Variants in CCSER1 observed in about 807,000 individuals in gnomAD.
The protein encoded by CCSER1 is serine-rich coiled-coil domain-containing protein 1.
In CCSER1, 41 loss-of-function variants were observed where a neutral mutation model predicts 82.0. The observed-to-expected ratio is 0.50, with a 90% CI of 0.39 to 0.65. The LOEUF (loss-of-function observed/expected upper bound fraction) is 0.65, where lower values mean the gene tolerates loss of function less well. CCSER1 is among the 30% of genes least tolerant of loss of function. CCSER1 has a pLI of 0.00. For synonymous variants in CCSER1, 414 were observed against 383.9 expected, an observed-to-expected ratio of 1.08 and a Z score of -0.92; for missense variants, 1,119 against 1,064.2, an observed-to-expected ratio of 1.05 and a Z score of -0.72.
intron 8 of CCSER1, among the ~76,000 whole-genome samples, chr4:90,841,944 C>T (rs1762623509): frequency 6.6e-6 from 1 of 152,138 alleles, no homozygotes; most frequent in Non-Finnish European, 1.5e-5. Flanking sequence ...CAAATAGGAA[C>T]TTATTGTGTT....
rs563946413 is a variant in CCSER1, at chr4:91,602,019, A to G, written c.*2962A>G. 65 of 152,178 alleles carry G rather than the reference A, an allele frequency of 4.3e-4. No homozygotes were observed. Among genetic ancestry groups the G allele is most frequent in the African/African-American group, 1.5e-3 (61 of 41,572 alleles). 9.4% of individuals were successfully genotyped at this position (152,178 alleles called of 1,614,324 possible). ...TATTTTTGCTTCTTTGGAGCACCAT[A>G]GTCTTTGTTCAAATCACAACATGAA... On this transcript the variant is annotated 3_prime_UTR_variant, in exon 11 of 11. Transcript: ENST00000509176.
At chr4:91,152,205 A>T (rs1730288630) in intron 10 of CCSER1, among the ~76,000 whole-genome samples, 1 of 152,164 alleles carries the variant, frequency 6.6e-6, no homozygotes, top group Admixed American at 6.6e-5. Flanking sequence ...TTCTTGTTGA[A>T]TTGATCCCTT....
At chr4:90,857,417 C>A (rs1287919281) in intron 8 of CCSER1, among the ~76,000 whole-genome samples, 1 of 152,078 alleles carries the variant, frequency 6.6e-6, no homozygotes, top group Non-Finnish European at 1.5e-5. Context: ...TCTAAGGGAG[C>A]ACATGAGACG....
At position 91,590,669 on chromosome 4, in the gene CCSER1, G is replaced by A. The variant is rs11733934; in HGVS notation, c.2218-7903G>A. On this transcript the variant is annotated intron_variant, in intron 10 of 10. Transcript: ENST00000509176. The stretch of plus-strand genomic sequence containing the variant: ...TTACTTTACATCAACACATTGTGTC[G>A]TGATATATCAAAAGGAGCATTTACT... Among the ~76,000 whole-genome samples the A allele has an allele frequency of 4.9e-3, 742 of 152,164 alleles. 4 individuals are homozygous for A. The highest frequency in any genetic ancestry group is 6.8e-3 in the Non-Finnish European group (465 of 67,988).
intron 7 of CCSER1, among the ~76,000 whole-genome samples, chr4:90,725,796 AT>A (rs1408679258): frequency 1.3e-5 from 2 of 151,978 alleles, no homozygotes; most frequent in African/African-American, 4.8e-5. Flanking sequence ...AATAGAAGAC[AT>A]TTAAGTTTTC....
At chr4:90,631,741 T>A (rs1204713532) in intron 6 of CCSER1, among the ~76,000 whole-genome samples, 1 of 152,086 alleles carries the variant, frequency 6.6e-6, no homozygotes, top group Non-Finnish European at 1.5e-5. Flanking sequence ...AAATCCAAAA[T>A]CCAAAATGCT....
intron 9 of CCSER1, among the ~76,000 whole-genome samples, chr4:91,007,523 TGTC>T (rs1477934403): frequency 1.3e-5 from 2 of 152,154 alleles, no homozygotes; most frequent in Non-Finnish European, 1.5e-5. Context: ...AGCTTGTATG[TGTC>T]CAGGAATTTA....
chr4:90,156,277 A>C (rs1728141257), intron 1 of CCSER1, among the ~76,000 whole-genome samples: 1 of 152,012 alleles, frequency 6.6e-6, no homozygotes, highest in Admixed American at 6.6e-5. Context: ...TTTGCTGAGG[A>C]GAGTTTTACT....
chr4:90,810,401 A>T (rs982977204), intron 7 of CCSER1, among the ~76,000 whole-genome samples: 5 of 152,218 alleles, frequency 3.3e-5, no homozygotes, highest in African/African-American at 1.2e-4. Flanking sequence ...TAATCCCAGC[A>T]CTTTGAGAGG....
intron 9 of CCSER1, among the ~76,000 whole-genome samples, chr4:91,085,107 CT>C (rs11378537): frequency 0.011 from 1,629 of 145,242 alleles, 19 homozygotes; most frequent in African/African-American, 0.033. Context: ...CTACAGGACA[CT>C]TTTTTTTTTT....
intron 5 of CCSER1, among the ~76,000 whole-genome samples, chr4:90,496,910 G>A (rs151136882): frequency 1.4e-3 from 203 of 149,644 alleles, no homozygotes; most frequent in African/African-American, 4.0e-3. Context: ...CCCAGGAGGC[G>A]GAGGTTGCAG....
At chr4:91,082,525 A>G (rs899434285) in intron 9 of CCSER1, among the ~76,000 whole-genome samples, 5 of 152,342 alleles carry the variant, frequency 3.3e-5, no homozygotes, top group African/African-American at 1.2e-4. Flanking sequence ...CTAAAACACC[A>G]AAAGCAATGG....
intron 9 of CCSER1, among the ~76,000 whole-genome samples, chr4:91,061,519 G>C (rs1743951979): frequency 6.6e-6 from 1 of 151,860 alleles, no homozygotes. Flanking sequence ...CTAGGAGAAA[G>C]GTGTTGTTTT....
At chr4:90,296,678 A>C (rs1732016093) in intron 1 of CCSER1, among the ~76,000 whole-genome samples, 1 of 152,144 alleles carries the variant, frequency 6.6e-6, no homozygotes, top group Admixed American at 6.5e-5. Flanking sequence ...TATAAGGTGT[A>C]AGGAAGGCAT....
At chr4:91,074,492 G>A (rs1027776347) in intron 9 of CCSER1, among the ~76,000 whole-genome samples, 5 of 152,128 alleles carry the variant, frequency 3.3e-5, no homozygotes, top group Non-Finnish European at 7.3e-5. Flanking sequence ...CAATTTTATA[G>A]CTGTGGAACC....
chr4:90,199,208 A>G, intron 1 of CCSER1, among the ~76,000 whole-genome samples: 1 of 152,260 alleles, frequency 6.6e-6, no homozygotes, highest in East Asian at 1.9e-4. Flanking sequence ...AAATACTTTT[A>G]AAAAGGGTAT....
chr4:90,634,680 G>A (rs933401410), intron 6 of CCSER1, among the ~76,000 whole-genome samples: 1 of 151,466 alleles, frequency 6.6e-6, no homozygotes, highest in Non-Finnish European at 1.5e-5. Flanking sequence ...AATTAGAGAA[G>A]GAAATGGCCA....
chr4:90,235,298 G>T (rs915830056), intron 1 of CCSER1: 3 of 152,196 alleles, frequency 2.0e-5, no homozygotes, highest in Non-Finnish European at 4.4e-5. Context: ...TTTGCCTTAG[G>T]ACTCAAGCTT....
At chr4:91,285,665 C>T (rs1019204678) in intron 10 of CCSER1, among the ~76,000 whole-genome samples, 1 of 151,822 alleles carries the variant, frequency 6.6e-6, no homozygotes, top group African/African-American at 2.4e-5. Context: ...ATGGATATTA[C>T]CTTCCTAAAT....
Sources: allele counts gnomAD v4.1 joint callset (sites outside exome capture counted in the v4.1 genomes callset), GRCh38; gene constraint gnomAD v4.1.1; transcripts MANE v1.5; gene names NCBI Gene and HGNC (gene_info 2026-07-23, HGNC 2026-07-21).